The following DNAJC25 variants were observed in gnomAD, a reference collection of about 807,000 sequenced individuals.
DNAJC25 encodes the protein DnaJ heat shock protein family (Hsp40) member C25.
Under a neutral mutation model 42.1 loss-of-function variants are expected in DNAJC25, and 26 were observed. The ratio of observed to expected loss-of-function variants is 0.62; its 90% CI spans 0.45 to 0.86. The LOEUF is 0.86. DNAJC25 is among the 40% of genes least tolerant of loss of function. DNAJC25 has a pLI of 0.00. For missense variants in DNAJC25, 404 were observed against 459.4 expected, an observed-to-expected ratio of 0.88 and a Z score of 1.10; for synonymous variants, 189 against 179.9, an observed-to-expected ratio of 1.05 and a Z score of -0.40.
intron 1 of DNAJC25, among the ~76,000 whole-genome samples, chr9:111,634,523 C>T (rs892081043): frequency 2.0e-5 from 3 of 152,186 alleles, no homozygotes; most frequent in Middle Eastern, 3.4e-3. Context: ...GTCCAGGTGG[C>T]GTTTGCTAAG....
At chr9:111,651,348 CTTTT>C (rs1314544780) in intron 3 of DNAJC25, among the ~76,000 whole-genome samples, 2 of 150,216 alleles carry the variant, frequency 1.3e-5, no homozygotes, top group Non-Finnish European at 3.0e-5. Context: ...AAAGCTTGTT[CTTTT>C]AAGTACTTTT....
chr9:111,649,109 G>GA (rs890899886), intron 2 of DNAJC25, among the ~76,000 whole-genome samples: 3 of 151,868 alleles, frequency 2.0e-5, no homozygotes, highest in African/African-American at 4.8e-5. Context: ...TAAAAAAAAA[G>GA]AAAAAAAATT....
At chr9:111,653,061 C>T in intron 3 of DNAJC25, 39 bp from the exon 4 acceptor site, 1 of 1,519,976 alleles carries the variant, frequency 6.6e-7, no homozygotes, top group Non-Finnish European at 8.8e-7. Context: ...AAATGTTCCT[C>T]TTTGGATTGT....
At chr9:111,639,363 G>T (rs189557735) in intron 1 of DNAJC25, among the ~76,000 whole-genome samples, 26 of 152,322 alleles carry the variant, frequency 1.7e-4, no homozygotes, top group Admixed American at 1.6e-3. Flanking sequence ...TGGTTTTTGA[G>T]CATGTTGAGT....
At chr9:111,648,240 A>C (rs1355570062) in intron 2 of DNAJC25, among the ~76,000 whole-genome samples, 1 of 150,964 alleles carries the variant, frequency 6.6e-6, no homozygotes, top group Admixed American at 6.6e-5. Context: ...TTACTTCTCC[A>C]GTTTCATTCC....
chr9:111,642,872 C>T (rs1266609290), intron 1 of DNAJC25: 2 of 470,750 alleles, frequency 4.2e-6, no homozygotes, highest in African/African-American at 4.0e-5. Context: ...CTGCATATGC[C>T]CAAGAGGATT....
At chr9:111,640,622 C>T (rs1271904103) in intron 1 of DNAJC25, among the ~76,000 whole-genome samples, 5 of 62,356 alleles carry the variant, frequency 8.0e-5, no homozygotes, top group Admixed American at 1.5e-4. Flanking sequence ...GCCGAGACCC[C>T]GTCTGGGAGG....
At chr9:111,641,870 G>A (rs1589344311) in intron 1 of DNAJC25, among the ~76,000 whole-genome samples, 1 of 136,226 alleles carries the variant, frequency 7.3e-6, no homozygotes, top group African/African-American at 2.8e-5. Flanking sequence ...GCCTCTGCCC[G>A]GCCGCCCCTA....
chr9:111,652,439 C>T (rs7866800), intron 3 of DNAJC25, among the ~76,000 whole-genome samples: 5 of 146,018 alleles, frequency 3.4e-5, no homozygotes, highest in Non-Finnish European at 7.5e-5. Flanking sequence ...TGCTTGAATC[C>T]AGGAGGCAGA....
At chr9:111,652,988 C>A in intron 3 of DNAJC25, 112 bp from the exon 4 acceptor site, 1 of 1,140,328 alleles carries the variant, frequency 8.8e-7, no homozygotes, top group Non-Finnish European at 1.2e-6. Flanking sequence ...TCAATACATT[C>A]ACTGGAAACT....
chr9:111,643,305 A>G (rs1015287311), intron 1 of DNAJC25, among the ~76,000 whole-genome samples: 1 of 152,204 alleles, frequency 6.6e-6, no homozygotes, highest in African/African-American at 2.4e-5. Flanking sequence ...TTTTTGAAAT[A>G]ATGTTTACTG....
intron 1 of DNAJC25, among the ~76,000 whole-genome samples, chr9:111,644,373 A>G (rs1830532905): frequency 6.6e-6 from 1 of 152,202 alleles, no homozygotes; most frequent in Non-Finnish European, 1.5e-5. Flanking sequence ...AAAGGAATTC[A>G]GGACTTGGTA....
chr9:111,643,103 T>G (rs1432159306), intron 1 of DNAJC25: 1 of 322,486 alleles, frequency 3.1e-6, no homozygotes, highest in Non-Finnish European at 6.3e-6. Context: ...AGGTAAGATA[T>G]TAAACTGTTT....
At chr9:111,634,153 A>T (rs1374946280) in intron 1 of DNAJC25, among the ~76,000 whole-genome samples, 1 of 152,200 alleles carries the variant, frequency 6.6e-6, no homozygotes, top group East Asian at 1.9e-4. Flanking sequence ...GAACTCTTTG[A>T]AAACTTGCAT....
At position 111,649,596 on chromosome 9, in the gene DNAJC25, A is replaced by T. The variant is rs1197247169; in HGVS notation, c.633A>T (p.Lys211Asn). The T allele has an allele frequency of 1.9e-6, 3 of 1,614,136 alleles. No homozygotes were observed. Among genetic ancestry groups the T allele is most frequent in the Non-Finnish European group, 2.5e-6 (3 of 1,180,020 alleles). The change falls in exon 3 of 4, where the codon AAA becomes AAT. Residue 211 changes from lysine to asparagine, a missense_variant. Coordinates refer to ENST00000313525, the MANE Select transcript of DNAJC25 (RefSeq NM_001015882.3). ...AAAAAGGCAAAAACAAAAAGTCCAA[A>T]GAAGAAATTCGTGACGAGGAGGAGA... ...AKEKGKNKKS[K>N]EEIRDEEENI...
chr9:111,647,720 G>A (rs909043986), intron 2 of DNAJC25, among the ~76,000 whole-genome samples: 2 of 152,176 alleles, frequency 1.3e-5, no homozygotes, highest in Admixed American at 1.3e-4. Flanking sequence ...GCCCCTTTAA[G>A]GGTGCTTCTG....
At chr9:111,641,144 C>G (rs1441722733) in intron 1 of DNAJC25, among the ~76,000 whole-genome samples, 2 of 98,212 alleles carry the variant, frequency 2.0e-5, no homozygotes, top group Non-Finnish European at 3.8e-5. Context: ...TCAGCCCCCC[C>G]ACCCGGCCAG....
intron 3 of DNAJC25, among the ~76,000 whole-genome samples, chr9:111,651,073 C>T (rs956571546): frequency 2.0e-5 from 3 of 151,884 alleles, no homozygotes; most frequent in African/African-American, 7.3e-5. Flanking sequence ...TCAAGACCAG[C>T]CTGGCCAACA....
At chr9:111,641,115 C>G in intron 1 of DNAJC25, among the ~76,000 whole-genome samples, 1 of 106,098 alleles carries the variant, frequency 9.4e-6, no homozygotes, top group Non-Finnish European at 1.8e-5. Context: ...CCACCCCGTC[C>G]GGGAGGGAGA....
Sources: gnomAD v4.1 joint callset for allele counts (sites outside exome capture counted in the v4.1 genomes callset) on GRCh38, gnomAD v4.1.1 for gene constraint, MANE v1.5 for transcripts, NCBI Gene and HGNC (gene_info 2026-07-23, HGNC 2026-07-21) for gene names.